ERBB3: variants seen among roughly 807,000 people sequenced by gnomAD.
ERBB3 encodes the protein receptor tyrosine-protein kinase erbB-3.
Under a neutral mutation model 156.7 loss-of-function variants are expected in ERBB3, and 96 were observed. The ratio of observed to expected loss-of-function variants is 0.61; its 90% CI spans 0.52 to 0.73. The LOEUF is 0.73. Among genes scored for constraint, ERBB3 ranks in the 30% least tolerant of loss-of-function variants. ERBB3 has a pLI of 0.00. For synonymous variants in ERBB3, 567 were observed against 632.0 expected, an observed-to-expected ratio of 0.90 and a Z score of 1.54; for missense variants, 1,406 against 1,709.4, an observed-to-expected ratio of 0.82 and a Z score of 3.13.
chr12:56,085,395 C>G, intron 3 of ERBB3: 1 of 1,443,244 alleles, frequency 6.9e-7, no homozygotes, highest in South Asian at 1.5e-5. Context: ...ACCCTGTGTC[C>G]TTGTGGGGCT....
intron 15 of ERBB3, 24 bp downstream of exon 15, chr12:56,094,580 AG>A: frequency 6.2e-7 from 1 of 1,612,498 alleles, no homozygotes; most frequent in South Asian, 1.1e-5. Context: ...TAATAAGGAG[AG>A]GGGGTCAGGT....
intron 3 of ERBB3, 45 bp from the exon 4 acceptor site, chr12:56,086,486 G>T: frequency 6.2e-7 from 1 of 1,613,122 alleles, no homozygotes; most frequent in Non-Finnish European, 8.5e-7. Context: ...AGGAAGAGGC[G>T]TTCCGCTGCG....
At chr12:56,082,266 G>T (rs529166178) in intron 1 of ERBB3, among the ~76,000 whole-genome samples, 69 of 152,138 alleles carry the variant, frequency 4.5e-4, no homozygotes, top group Admixed American at 9.2e-4. Flanking sequence ...ACTTCCCTGT[G>T]CAGAAAGCTT....
At chr12:56,083,227 C>T (rs1868376836) in intron 1 of ERBB3, 1 of 216,266 alleles carries the variant, frequency 4.6e-6, no homozygotes, top group Non-Finnish European at 9.4e-6. Context: ...TCATTGTGGG[C>T]TGGACTGTGG....
chr12:56,087,753 GT>G (rs774390282), intron 5 of ERBB3, 41 bp from the exon 6 acceptor site: 2 of 1,596,742 alleles, frequency 1.3e-6, no homozygotes, highest in African/African-American at 2.7e-5. Context: ...TCAGAATTCA[GT>G]CCTAGGAGCC....
intron 1 of ERBB3, among the ~76,000 whole-genome samples, chr12:56,082,580 C>T (rs1868365992): frequency 6.6e-6 from 1 of 152,018 alleles, no homozygotes; most frequent in Non-Finnish European, 1.5e-5. Context: ...CTGTTGCCTC[C>T]CACTGAGCTA....
At position 56,101,195 on chromosome 12, in the gene ERBB3, G is replaced by A. The variant is rs997911045; in HGVS notation, c.3336G>A (p.Val1112=). The A allele has an allele frequency of 3.1e-6, 5 of 1,614,014 alleles. No individual in the cohort carries two copies. The highest frequency in any genetic ancestry group is 2.7e-5 in the African/African-American group (2 of 74,892). The change falls in exon 27 of 28, where the codon GTG becomes GTA. Residue 1112 remains valine (V), a synonymous_variant. Coordinates refer to ENST00000267101, the MANE Select transcript of ERBB3 (RefSeq NM_001982.4). ...CTGAGGCTGAGCTCCAGGAGAAAGTGTCAATGTGTAGGAGCCGGAGCAGGA... is the reference window on the plus strand; with the variant it reads ...CTGAGGCTGAGCTCCAGGAGAAAGTATCAATGTGTAGGAGCCGGAGCAGGA... The part of the protein sequence containing the change: ...TGSEAELQEK[V]SMCRSRSRSR...
rs2136809307 is a variant in ERBB3, at chr12:56,093,389, C to A, written c.1319C>A (p.Ser440Tyr). The change falls in exon 12 of 28, where the codon TCT becomes TAT. Residue 440 changes from serine to tyrosine, a missense_variant. Transcript: ENST00000267101. ...LLIMKNLNVT[S>Y]LGFRSLKEIS... ...ATCATGAAGAACTTGAATGTCACAT[C>A]TCTGGGCTTCCGATCCCTGAAGGAA... 1 of 1,614,116 alleles carries A rather than the reference C, an allele frequency of 6.2e-7. No individual in the cohort carries two copies. The highest frequency in any genetic ancestry group is 8.5e-7 in the Non-Finnish European group (1 of 1,180,024).
At chr12:56,096,938 CTAT>C in intron 19 of ERBB3, 92 bp downstream of exon 19, 1 of 1,197,252 alleles carries the variant, frequency 8.4e-7, no homozygotes, top group Non-Finnish European at 1.2e-6. Flanking sequence ...TCAGCAGCTA[CTAT>C]GTTAGCCAGA....
chr12:56,092,389 C>CAAAAAAA (rs60865127), intron 9 of ERBB3, among the ~76,000 whole-genome samples: 3 of 42,850 alleles, frequency 7.0e-5, no homozygotes, highest in Non-Finnish European at 1.2e-4. Context: ...GACTCTGTCT[C>CAAAAAAA]AAAAAAAAAA....
chr12:56,085,020 T>C lies in ERBB3; in HGVS notation c.260T>C (p.Val87Ala). The change falls in exon 3 of 28, where the codon GTC (valine) becomes GCC (alanine). Residue 87 changes from valine (V) to alanine (A), a missense_variant. By Grantham distance (64) the Val-to-Ala change is moderately conservative (BLOSUM62 0). This residue lies in a region of ERBB3 where 979 missense variants were observed against 1,219.6 expected (regional missense o/e 0.80). Coordinates refer to ENST00000267101, the MANE Select transcript of ERBB3 (RefSeq NM_001982.4). ...TGGATTCGAGAAGTGACAGGCTATGTCCTCGTGGCCATGAATGAATTCTCT... is the reference window on the plus strand; with the variant it reads ...TGGATTCGAGAAGTGACAGGCTATGCCCTCGTGGCCATGAATGAATTCTCT... ...LQWIREVTGY[V>A]LVAMNEFSTL... 1.2e-6 allele frequency: 2 copies of C among 1,614,154 alleles called. No individual in the cohort carries two copies. Among genetic ancestry groups the C allele is most frequent in the Non-Finnish European group, 1.7e-6 (2 of 1,180,014 alleles).
At chr12:56,097,997 G>C (rs920878013) in intron 21 of ERBB3, 57 bp downstream of exon 21, 11 of 1,566,656 alleles carry the variant, frequency 7.0e-6, no homozygotes, top group Non-Finnish European at 1.8e-6. Context: ...GGGATAGGGA[G>C]CAGCCAGTGG....
At chr12:56,095,594 C>A in intron 16 of ERBB3, 71 bp from the exon 17 acceptor site, 1 of 1,575,756 alleles carries the variant, frequency 6.3e-7, no homozygotes, top group Non-Finnish European at 8.7e-7. Flanking sequence ...ATACCTTCAA[C>A]ACAAGTATAG....
chr12:56,093,410 A>C lies in ERBB3; in HGVS notation c.1340A>C (p.Lys447Thr), dbSNP rs1203350210. 4 of 1,613,984 alleles carry C rather than the reference A, an allele frequency of 2.5e-6. No homozygotes were observed. Among genetic ancestry groups the C allele is most frequent in the Non-Finnish European group, 3.4e-6 (4 of 1,180,014 alleles). Reference sequence around the variant, plus strand: ...ACATCTCTGGGCTTCCGATCCCTGAAGGAAATTAGTGCTGGGCGTATCTAT... The same window carrying C: ...ACATCTCTGGGCTTCCGATCCCTGACGGAAATTAGTGCTGGGCGTATCTAT... ...NVTSLGFRSL[K>T]EISAGRIYIS... Residue 447 changes from lysine to threonine, a missense_variant, in exon 12 of 28, where the codon AAG becomes ACG. Physicochemically the swap from Lys to Thr is moderately conservative, Grantham distance 78 (BLOSUM62 -1). Coordinates refer to ENST00000267101, the MANE Select transcript of ERBB3 (RefSeq NM_001982.4).
rs537867649 is a variant in ERBB3, at chr12:56,087,917, T to C, written c.732+4T>C. 2 of 1,613,948 alleles carry C rather than the reference T, an allele frequency of 1.2e-6. No homozygotes were observed. The highest frequency in any genetic ancestry group is 2.2e-5 in the East Asian group (1 of 44,890). On this transcript the variant is annotated splice_donor_region_variant and intron_variant, in intron 6 of 27. Transcript: ENST00000267101. ...CCCTCAGGACACAGACTGCTTTGTA[T>C]GTACCCTTTCCATTGCCTGGGTTCT...
rs750392197 is a variant in ERBB3, at chr12:56,093,811, TG to T, written c.1532del (p.Gly511AlafsTer20). On this transcript the variant is annotated frameshift_variant, in exon 13 of 28. Coordinates refer to ENST00000267101, the MANE Select transcript of ERBB3 (RefSeq NM_001982.4). LOFTEE classifies it high-confidence loss of function. Reference protein sequence around the residue: ...CDPLCSSGGCWGPGPGQCLSC... With the variant: ...CDPLCSSGGCXGPGPGQCLSC... Reference sequence around the variant, plus strand: ...CCCACTGTGCTCCTCTGGGGGATGCTGGGGCCCAGGCCCTGGTCAGTGCTTG... The same window carrying T: ...CCCACTGTGCTCCTCTGGGGGATGCTGGGCCCAGGCCCTGGTCAGTGCTTG... The T allele has an allele frequency of 6.2e-7, 1 of 1,613,502 alleles. No homozygotes were observed. The highest frequency in any genetic ancestry group is 8.5e-7 in the Non-Finnish European group (1 of 1,179,934).
intron 4 of ERBB3, 144 bp downstream of exon 4, chr12:56,086,800 C>A: frequency 1.2e-6 from 1 of 864,330 alleles, no homozygotes; most frequent in Non-Finnish European, 1.9e-6. Context: ...CCCACCAGGG[C>A]AGACCATTCC....
chr12:56,093,079 G>C lies in ERBB3; in HGVS notation c.1274+3G>C. On this transcript the variant is annotated splice_donor_region_variant and intron_variant, in intron 11 of 27. Transcript: ENST00000267101. ...ATTGGAGGCAGAAGCCTCTACAAGT[G>C]AGTAAAGGGTATGGAGGAAATGGCA... The C allele has an allele frequency of 6.2e-7, 1 of 1,603,484 alleles. No homozygotes were observed. Among genetic ancestry groups the C allele is most frequent in the Non-Finnish European group, 8.5e-7 (1 of 1,170,300 alleles).
rs200007116 is a variant in ERBB3, at chr12:56,093,436, A to G, written c.1366A>G (p.Ile456Val). The G allele has an allele frequency of 8.1e-6, 13 of 1,613,888 alleles. No individual in the cohort carries two copies. The highest frequency in any genetic ancestry group is 1.7e-5 in the Admixed American group (1 of 59,984). Residue 456 changes from isoleucine to valine, a missense_variant, in exon 12 of 28, where the codon ATA becomes GTA. By Grantham distance (29) the Ile-to-Val change is conservative. Around this residue, in one of 3 missense-constraint regions of ERBB3, gnomAD observed 979 missense variants for 1,219.6 expected, o/e 0.80. Transcript: ENST00000267101. ...LKEISAGRIY[I>V]SANRQLCYHH... ...GGAAATTAGTGCTGGGCGTATCTAT[A>G]TAAGTGCCAATAGGCAGCTCTGCTA...
Sources: allele counts gnomAD v4.1 joint callset (sites outside exome capture counted in the v4.1 genomes callset), GRCh38; gene constraint gnomAD v4.1.1; regional missense constraint gnomAD v4.1.1; transcripts MANE v1.5; gene names NCBI Gene and HGNC (gene_info 2026-07-23, HGNC 2026-07-21).